Variants in KCTD14 observed in about 807,000 individuals in gnomAD.
The protein encoded by KCTD14 is potassium channel tetramerization domain containing 14, also known as BTB/POZ domain-containing protein KCTD14.
Under a neutral mutation model 5.9 loss-of-function variants are expected in KCTD14, and 7 were observed. The observed-to-expected ratio is 1.19, with a 90% confidence interval of 0.68 to 2.23. The LOEUF (loss-of-function observed/expected upper bound fraction) is 2.23. KCTD14 is among the 30% of genes most tolerant of loss of function. The probability of loss-of-function intolerance (pLI) is 0.00; values close to 1 mark genes in which losing one functional copy is unlikely to be tolerated. For synonymous variants in KCTD14, 140 were observed against 133.1 expected, an observed-to-expected ratio of 1.05 and a Z score of -0.36; for missense variants, 342 against 332.2, an observed-to-expected ratio of 1.03 and a Z score of -0.23.
chr11:78,029,385 C>G (rs1030139677), intron 2 of KCTD14, among the ~76,000 whole-genome samples: 7 of 152,032 alleles, frequency 4.6e-5, no homozygotes, highest in African/African-American at 1.7e-4. Flanking sequence ...TTATGGGCAC[C>G]CTATTTACTG....
chr11:78,038,668 T>TGG, exon 2 of KCTD14: 2 of 1,535,590 alleles, frequency 1.3e-6, no homozygotes, highest in Non-Finnish European at 1.7e-6. Context: ...GCATACCTAA[T>TGG]GGGTGGTGGC....
intron 2 of KCTD14, among the ~76,000 whole-genome samples, chr11:78,034,314 G>C (rs1009286756): frequency 3.3e-5 from 5 of 152,104 alleles, no homozygotes; most frequent in Non-Finnish European, 1.5e-5. Flanking sequence ...GTAGAGACGA[G>C]AACTTCCTGT....
intron 1 of KCTD14, among the ~76,000 whole-genome samples, chr11:78,045,044 C>T (rs1306750341): frequency 6.6e-6 from 1 of 152,180 alleles, no homozygotes; most frequent in Non-Finnish European, 1.5e-5. Context: ...GAAGGTCACA[C>T]ACAAGTTAAG....
intron 1 of KCTD14, among the ~76,000 whole-genome samples, chr11:78,017,763 A>C (rs1219378129): frequency 6.6e-6 from 1 of 152,102 alleles, no homozygotes; most frequent in Non-Finnish European, 1.5e-5. Flanking sequence ...GTTTGAAAAA[A>C]GAATACCCAT....
upstream of KCTD14, among the ~76,000 whole-genome samples, chr11:78,026,972 G>GCA: frequency 6.6e-6 from 1 of 151,658 alleles, no homozygotes; most frequent in Admixed American, 6.6e-5. Context: ...GGTGGCATGC[G>GCA]CCTGTAGTCC....
intron 2 of KCTD14, among the ~76,000 whole-genome samples, chr11:78,029,524 A>T (rs941696126): frequency 3.9e-5 from 6 of 152,214 alleles, no homozygotes; most frequent in African/African-American, 1.4e-4. Context: ...TGTGGGAAAA[A>T]CTTAAAAACA....
intron 1 of KCTD14, among the ~76,000 whole-genome samples, chr11:78,041,512 G>T (rs550781360): frequency 5.3e-5 from 8 of 152,182 alleles, no homozygotes; most frequent in Non-Finnish European, 1.2e-4. Context: ...ATCATCTGTT[G>T]CCTGAGAGCA....
At chr11:78,034,924 TAC>T (rs1293605052) in intron 2 of KCTD14, among the ~76,000 whole-genome samples, 121 of 152,284 alleles carry the variant, frequency 7.9e-4, no homozygotes, top group African/African-American at 2.8e-3. Context: ...CTTTACTCTC[TAC>T]CGCCACCATC....
intron 1 of KCTD14, among the ~76,000 whole-genome samples, chr11:78,021,121 G>T (rs1281713753): frequency 6.6e-6 from 1 of 151,798 alleles, no homozygotes; most frequent in Non-Finnish European, 1.5e-5. Flanking sequence ...TGGACAACAT[G>T]GCAAAACCCT....
At chr11:78,022,644 A>T (rs1857336902) in intron 1 of KCTD14, among the ~76,000 whole-genome samples, 1 of 151,942 alleles carries the variant, frequency 6.6e-6, no homozygotes, top group African/African-American at 2.4e-5. Context: ...CCCTCACCCA[A>T]GCTGGGGACC....
intron 1 of KCTD14, among the ~76,000 whole-genome samples, chr11:78,021,030 C>T (rs1857290176): frequency 6.6e-6 from 1 of 152,154 alleles, no homozygotes; most frequent in African/African-American, 2.4e-5. Context: ...AGGCTGGGTG[C>T]AGTGGCTTAC....
Position 78,016,900 on chromosome 11 carries a change from C to A in KCTD14, c.461G>T (p.Arg154Leu). The A allele has an allele frequency of 1.9e-6, 3 of 1,614,180 alleles. No homozygotes were observed. The highest frequency in any genetic ancestry group is 8.5e-7 in the Non-Finnish European group (1 of 1,179,988). The change falls in exon 2 of 2, where the codon CGC (arginine) becomes CTC (leucine). Residue 154 changes from arginine to leucine, a missense_variant. Coordinates refer to ENST00000353172, the MANE Select transcript of KCTD14 (RefSeq NM_023930.4). ...TGTTATGGCTTCTGCACGTGCCAGG[C>A]GCACCATGAGCTCCAGGTTCTCGCT... ...GYSENLELMV[R>L]LARAEAITAR...
At chr11:78,023,373 A>G (rs1857360813), upstream of KCTD14, 1 of 857,086 alleles carries the variant, frequency 1.2e-6, no homozygotes, top group Non-Finnish European at 1.8e-6. Flanking sequence ...AAGTGCAGAA[A>G]GAAATGGACA....
At chr11:78,033,659 G>A (rs1165324889) in intron 2 of KCTD14, among the ~76,000 whole-genome samples, 1 of 144,776 alleles carries the variant, frequency 6.9e-6, no homozygotes, top group African/African-American at 2.6e-5. Flanking sequence ...TCCAGCCTGG[G>A]CAACAGAGCG....
chr11:78,038,681 C>T, exon 2 of KCTD14: 1 of 1,535,752 alleles, frequency 6.5e-7, no homozygotes, highest in Non-Finnish European at 8.7e-7. Context: ...GTGGTGGCAG[C>T]AGAACTCCCC....
At chr11:78,044,868 C>G (rs568264794) in intron 1 of KCTD14, among the ~76,000 whole-genome samples, 177 of 152,236 alleles carry the variant, frequency 1.2e-3, no homozygotes, top group Non-Finnish European at 2.1e-3. Context: ...GGCATGCTTC[C>G]GGGGTTTTGC....
At chr11:78,021,726 G>A (rs2136709612) in intron 1 of KCTD14, among the ~76,000 whole-genome samples, 1 of 152,226 alleles carries the variant, frequency 6.6e-6, no homozygotes, top group Middle Eastern at 3.4e-3. Context: ...CTGAGAGTAC[G>A]TTTTCTGAAG....
chr11:78,026,008 G>A (rs1857452758), upstream of KCTD14, among the ~76,000 whole-genome samples: 1 of 152,188 alleles, frequency 6.6e-6, no homozygotes, highest in South Asian at 2.1e-4. Flanking sequence ...GAAAGTATCT[G>A]AGACAAGTCT....
rs746339325 is a variant in KCTD14, at chr11:78,016,164, C to G, written c.*429G>C. On this transcript the variant is annotated 3_prime_UTR_variant, in exon 2 of 2. Transcript: ENST00000353172. ...TCTCGCAAAGGGGATCAGGAAAGCA[C>G]CTACTACATGAAGGCACATGCCAGG... 2.5e-5 allele frequency: 5 copies of G among 199,432 alleles called. No homozygotes were observed. The highest frequency in any genetic ancestry group is 2.2e-3 in the Middle Eastern group (1 of 458). The allele number at this position is 199,432 out of a possible 1,614,324, so 12.4% of individuals were successfully genotyped here. A position where few individuals can be genotyped will look rare whatever the true frequency, so the allele number is the denominator to read the frequency against.
Sources: allele counts gnomAD v4.1 joint callset (sites outside exome capture counted in the v4.1 genomes callset), GRCh38; gene constraint gnomAD v4.1.1; transcripts MANE v1.5; gene names NCBI Gene and HGNC (gene_info 2026-07-23, HGNC 2026-07-21).